The following SSBP2 variants were observed in gnomAD, a reference collection of about 807,000 sequenced individuals.
SSBP2 encodes single stranded DNA binding protein 2, also known as single-stranded DNA-binding protein 2.
In SSBP2, 17 loss-of-function variants were observed where a neutral mutation model predicts 61.8. The ratio of observed to expected loss-of-function variants is 0.28; its 90% CI spans 0.19 to 0.41. The LOEUF (loss-of-function observed/expected upper bound fraction) is 0.41, where lower values mean the gene tolerates loss of function less well. SSBP2 is among the 10% of genes least tolerant of loss of function. The pLI is 1.00. For missense variants in SSBP2, 310 were observed against 458.7 expected, an observed-to-expected ratio of 0.68 and a Z score of 2.96; for synonymous variants, 139 against 141.3, an observed-to-expected ratio of 0.98 and a Z score of 0.12.
intron 4 of SSBP2, among the ~76,000 whole-genome samples, chr5:81,521,229 A>G (rs560079225): frequency 2.0e-5 from 3 of 152,006 alleles, no homozygotes; most frequent in South Asian, 2.1e-4. Context: ...TTCCTATTCT[A>G]TATCTCCCTC....
At chr5:81,454,452 G>A (rs546912149) in intron 10 of SSBP2, among the ~76,000 whole-genome samples, 1 of 152,306 alleles carries the variant, frequency 6.6e-6, no homozygotes, top group East Asian at 1.9e-4. Context: ...AGGCCAAGGT[G>A]GGTGGATCAC....
intron 3 of SSBP2, among the ~76,000 whole-genome samples, chr5:81,620,494 A>T (rs1384904317): frequency 6.7e-6 from 1 of 148,870 alleles, no homozygotes; most frequent in African/African-American, 2.5e-5. Context: ...GCTCATGGGT[A>T]GGAAGAATCA....
At chr5:81,722,071 C>T (rs774912110) in intron 1 of SSBP2, among the ~76,000 whole-genome samples, 5 of 152,112 alleles carry the variant, frequency 3.3e-5, no homozygotes, top group Non-Finnish European at 7.4e-5. Context: ...CTAACATCTA[C>T]TGCCCAAATG....
intron 5 of SSBP2, among the ~76,000 whole-genome samples, chr5:81,490,109 C>T (rs753290234): frequency 8.0e-5 from 12 of 150,928 alleles, no homozygotes; most frequent in East Asian, 3.9e-4. Context: ...GATTATGAAG[C>T]GTATATTTTT....
intron 1 of SSBP2, among the ~76,000 whole-genome samples, chr5:81,683,325 C>A (rs1484802086): frequency 6.6e-6 from 1 of 151,978 alleles, no homozygotes; most frequent in Non-Finnish European, 1.5e-5. Context: ...AGAAACAGAC[C>A]CACATAAATA....
chr5:81,542,308 T>C (rs1771335428), intron 4 of SSBP2, among the ~76,000 whole-genome samples: 3 of 152,242 alleles, frequency 2.0e-5, no homozygotes, highest in South Asian at 2.1e-4. Flanking sequence ...TTATACACTG[T>C]TAGTGGGAAT....
At chr5:81,468,336 CTTAA>C (rs1473991155) in intron 8 of SSBP2, among the ~76,000 whole-genome samples, 1 of 151,960 alleles carries the variant, frequency 6.6e-6, no homozygotes. Flanking sequence ...ACTGCACTGT[CTTAA>C]TTGTTTCTCT....
chr5:81,601,799 A>G lies in SSBP2; in HGVS notation c.282+13674T>C, dbSNP rs942111806. Among the ~76,000 whole-genome samples the G allele has an allele frequency of 1.6e-4, 25 of 152,168 alleles. 1 individual carries two copies. Among genetic ancestry groups the G allele is most frequent in the Non-Finnish European group, 2.9e-4 (20 of 68,028 alleles). Reference sequence around the variant, plus strand: ...AATCACCTAAATCAGGTGAAGATGCAAATAAAGTTCTTGGGTACTGCACGT... The same window carrying G: ...AATCACCTAAATCAGGTGAAGATGCGAATAAAGTTCTTGGGTACTGCACGT... On this transcript the variant is annotated intron_variant, in intron 4 of 16. Coordinates refer to ENST00000320672, the MANE Select transcript of SSBP2 (RefSeq NM_012446.5).
In SSBP2 at chr5:81,446,544, T is replaced by A. The variant is rs546993543; in HGVS notation, c.778+324A>T. Among the ~76,000 whole-genome samples the A allele has an allele frequency of 5.4e-4, 82 of 152,288 alleles. 1 individual carries two copies. Among genetic ancestry groups the A allele is most frequent in the African/African-American group, 1.9e-3 (80 of 41,568 alleles). On this transcript the variant is annotated intron_variant, in intron 12 of 16. Transcript: ENST00000320672. ...TCCATGTATTTAATGTTTTATTTAT[T>A]CAGAAATTTTCTAAATTGTAGAAGA...
chr5:81,570,695 A>AT (rs1773770812), intron 4 of SSBP2, among the ~76,000 whole-genome samples: 1 of 131,156 alleles, frequency 7.6e-6, no homozygotes, highest in Non-Finnish European at 1.6e-5. Context: ...AAATAATTAA[A>AT]ATTTTTTCTG....
Position 81,686,854 on chromosome 5 carries a change from C to CA in SSBP2, c.63-36516dup, listed in dbSNP as rs57665340. On this transcript the variant is annotated intron_variant, in intron 1 of 16. Coordinates refer to ENST00000320672, the MANE Select transcript of SSBP2 (RefSeq NM_012446.5). ...TGGGCAACAGAGCGAGACTTCATCT[C>CA]AAAAAAAAAAAAAAAAAAGAAAAGA... is the stretch of plus-strand genomic sequence containing the variant. Among the ~76,000 whole-genome samples the CA allele has an allele frequency of 4.6e-3, 420 of 91,028 alleles. 1 individual carries two copies. The highest frequency in any genetic ancestry group is 7.5e-3 in the Non-Finnish European group (369 of 49,362). The allele number at this position is 91,028 out of a possible 152,430, so 59.7% of individuals were successfully genotyped here.
intron 1 of SSBP2, among the ~76,000 whole-genome samples, chr5:81,721,525 A>G (rs1755543465): frequency 6.6e-6 from 1 of 152,116 alleles, no homozygotes; most frequent in Non-Finnish European, 1.5e-5. Flanking sequence ...GAGTTTTATA[A>G]TGCCAAAATC....
At chr5:81,508,796 G>A (rs921035695) in intron 5 of SSBP2, among the ~76,000 whole-genome samples, 2 of 152,114 alleles carry the variant, frequency 1.3e-5, no homozygotes, top group Non-Finnish European at 2.9e-5. Context: ...TAGGAGAAAT[G>A]TTTCAATGTA....
chr5:81,549,896 A>T (rs1772039866), intron 4 of SSBP2, among the ~76,000 whole-genome samples: 1 of 152,190 alleles, frequency 6.6e-6, no homozygotes, highest in African/African-American at 2.4e-5. Flanking sequence ...AAGTACGGTA[A>T]GTCACACTTT....
intron 1 of SSBP2, among the ~76,000 whole-genome samples, chr5:81,659,772 A>G (rs2153738361): frequency 6.6e-6 from 1 of 152,280 alleles, no homozygotes; most frequent in East Asian, 1.9e-4. Flanking sequence ...ACTATACTAT[A>G]ACGCTATAGT....
intron 3 of SSBP2, among the ~76,000 whole-genome samples, chr5:81,622,066 C>A (rs1746627506): frequency 6.8e-6 from 1 of 146,718 alleles, no homozygotes; most frequent in Non-Finnish European, 1.5e-5. Context: ...TGTAACTAAC[C>A]TGCACAATGT....
At chr5:81,580,986 A>G (rs1003710613) in intron 4 of SSBP2, among the ~76,000 whole-genome samples, 5 of 152,212 alleles carry the variant, frequency 3.3e-5, no homozygotes, top group Non-Finnish European at 7.3e-5. Context: ...TAGGCCAAAT[A>G]CAAAATATTC....
At chr5:81,431,938 T>A (rs1178048062) in intron 15 of SSBP2, among the ~76,000 whole-genome samples, 1 of 152,216 alleles carries the variant, frequency 6.6e-6, no homozygotes, top group African/African-American at 2.4e-5. Context: ...CCTCAAAAAT[T>A]GTTTCAAACC....
intron 4 of SSBP2, among the ~76,000 whole-genome samples, chr5:81,537,153 A>T (rs1380600535): frequency 6.6e-6 from 1 of 152,166 alleles, no homozygotes; most frequent in Non-Finnish European, 1.5e-5. Flanking sequence ...ACGTGCTCTG[A>T]TCTCACTGGG....
Sources: gnomAD v4.1 joint callset for allele counts (sites outside exome capture counted in the v4.1 genomes callset) on GRCh38, gnomAD v4.1.1 for gene constraint, MANE v1.5 for transcripts, NCBI Gene and HGNC (gene_info 2026-07-23, HGNC 2026-07-21) for gene names.